The following CDH23 variants were observed in gnomAD, a reference collection of about 807,000 sequenced individuals.
The protein encoded by CDH23 is cadherin-23.
CDH23 carries 189 observed loss-of-function variants against 317.1 expected under a neutral mutation model. The ratio of observed to expected loss-of-function variants is 0.60; its 90% CI spans 0.53 to 0.67. The LOEUF (loss-of-function observed/expected upper bound fraction) is 0.67, where lower values mean the gene tolerates loss of function less well. Ranked by LOEUF, CDH23 falls within the 30% of genes least tolerant of loss-of-function variation. CDH23 has a pLI of 0.00. For missense variants in CDH23, 4,401 were observed against 4,592.4 expected (o/e 0.96, Z 1.20); for synonymous variants, 1,839 against 1,876.8 (o/e 0.98, Z 0.52).
intron 55 of CDH23, among the ~76,000 whole-genome samples, chr10:71,804,981 A>G (rs1841667532): frequency 6.6e-6 from 1 of 152,206 alleles, no homozygotes; most frequent in African/African-American, 2.4e-5. Context: ...CTGAACAATC[A>G]GCATGTATTA....
chr10:71,530,804 T>G (rs914444393), intron 6 of CDH23, among the ~76,000 whole-genome samples: 10 of 152,216 alleles, frequency 6.6e-5, no homozygotes, highest in Non-Finnish European at 1.5e-4. Flanking sequence ...CCAGAAACTG[T>G]GCTCAGCACT....
intron 6 of CDH23, among the ~76,000 whole-genome samples, chr10:71,554,404 C>T (rs1856770738): frequency 1.3e-5 from 2 of 151,692 alleles, no homozygotes; most frequent in Admixed American, 1.3e-4. Context: ...CACTATGTTG[C>T]CCAGGCTGGT....
intron 38 of CDH23, among the ~76,000 whole-genome samples, chr10:71,754,032 G>C (rs1236316830): frequency 6.6e-6 from 1 of 152,220 alleles, no homozygotes. Context: ...CCAGCAAACT[G>C]CCGTCCTCAA....
chr10:71,566,324 C>T (rs141433580), intron 6 of CDH23, among the ~76,000 whole-genome samples: 1 of 152,270 alleles, frequency 6.6e-6, no homozygotes, highest in Non-Finnish European at 1.5e-5. Context: ...CCGTAAAGAG[C>T]ACCCCTGTGT....
chr10:71,773,038 CCTT>C (rs896332803), intron 38 of CDH23, among the ~76,000 whole-genome samples: 7 of 152,238 alleles, frequency 4.6e-5, no homozygotes, highest in South Asian at 2.1e-4. Flanking sequence ...CTGTGCCTCT[CCTT>C]CTTTGCAGAA....
At chr10:71,546,798 TG>T (rs1371608710) in intron 6 of CDH23, among the ~76,000 whole-genome samples, 1 of 152,182 alleles carries the variant, frequency 6.6e-6, no homozygotes, top group East Asian at 1.9e-4. Context: ...GACATGAAGA[TG>T]GGCACTCTGC....
chr10:71,424,581 G>A (rs892898541), intron 1 of CDH23, among the ~76,000 whole-genome samples: 4 of 152,232 alleles, frequency 2.6e-5, no homozygotes, highest in African/African-American at 4.8e-5. Flanking sequence ...GTGCCTGGCA[G>A]CTGGCTGGTG....
intron 14 of CDH23, among the ~76,000 whole-genome samples, chr10:71,659,633 A>G (rs1564715397): frequency 6.6e-6 from 1 of 152,232 alleles, no homozygotes; most frequent in East Asian, 1.9e-4. Context: ...CCAGCAAAGC[A>G]GTACTTCCTG....
intron 14 of CDH23, among the ~76,000 whole-genome samples, chr10:71,661,851 TCCCCTCCCACCCTGCAC>T: frequency 4.2e-5 from 1 of 23,886 alleles, no homozygotes; most frequent in Non-Finnish European, 8.9e-5. Context: ...ACCCTGCACG[TCCCCTCCCACCCTGCAC>T]GTCCCCTCCC....
intron 53 of CDH23, among the ~76,000 whole-genome samples, chr10:71,801,958 T>A (rs114242013): frequency 6.6e-6 from 1 of 152,108 alleles, no homozygotes; most frequent in South Asian, 2.1e-4. Flanking sequence ...AGATGTGCAA[T>A]TGGGGACATG....
At chr10:71,475,053 T>G (rs997669595) in intron 3 of CDH23, among the ~76,000 whole-genome samples, 3 of 152,200 alleles carry the variant, frequency 2.0e-5, no homozygotes, top group Admixed American at 6.5e-5. Flanking sequence ...AAGACGGGAA[T>G]GGTGACTATT....
rs1328514310 is a variant in CDH23, at chr10:71,682,547, C to A, written c.1961C>A (p.Thr654Asn). 1 of 1,613,620 alleles carries A rather than the reference C, an allele frequency of 6.2e-7. No individual in the cohort carries two copies. ...GCTGGCAACCCCCCTCTCAACAGCA[C>A]CGTCCCTGTCACCATCGAGGTGTTT... ...MDAGNPPLNS[T>N]VPVTIEVFDE... Residue 654 changes from threonine to asparagine, a missense_variant, in exon 18 of 70, where the codon ACC becomes AAC. Transcript: ENST00000224721.
intron 26 of CDH23, among the ~76,000 whole-genome samples, chr10:71,708,000 A>G (rs1435621275): frequency 6.6e-6 from 1 of 151,256 alleles, no homozygotes; most frequent in Admixed American, 6.6e-5. Flanking sequence ...CCTCAGGCCC[A>G]CTCCTTACAG....
At chr10:71,527,242 A>G (rs1319891253) in intron 6 of CDH23, among the ~76,000 whole-genome samples, 1 of 152,230 alleles carries the variant, frequency 6.6e-6, no homozygotes, top group African/African-American at 2.4e-5. Flanking sequence ...GCGTGCACAC[A>G]CCTCAGTTGC....
At chr10:71,569,285 G>C (rs1184613890) in intron 7 of CDH23, among the ~76,000 whole-genome samples, 1 of 152,162 alleles carries the variant, frequency 6.6e-6, no homozygotes, top group Non-Finnish European at 1.5e-5. Flanking sequence ...AAGACAACCA[G>C]CCCTCCCTTC....
rs369768078 is a variant in CDH23, at chr10:71,799,914, A to G, written c.7362+285A>G. Among the ~76,000 whole-genome samples the G allele has an allele frequency of 1.1e-4, 17 of 152,238 alleles. No individual in the cohort carries two copies. In the East Asian group the frequency reaches 1.9e-3, roughly 17 times the overall value. Reference sequence around the variant, plus strand: ...AGATGTGTCCTCTCCACACTAAAAAAGCATGATTGAAGTCCATGGGGCTTC... The same window carrying G: ...AGATGTGTCCTCTCCACACTAAAAAGGCATGATTGAAGTCCATGGGGCTTC... On this transcript the variant is annotated intron_variant, in intron 52 of 69. Coordinates refer to ENST00000224721, the MANE Select transcript of CDH23 (RefSeq NM_022124.6).
chr10:71,437,049 T>C (rs1849654249), intron 1 of CDH23, among the ~76,000 whole-genome samples: 1 of 152,220 alleles, frequency 6.6e-6, no homozygotes, highest in African/African-American at 2.4e-5. Context: ...CGCTAGTAGT[T>C]AGGGAAATGC....
chr10:71,572,691 T>G (rs1192430404), intron 8 of CDH23, among the ~76,000 whole-genome samples: 2 of 152,218 alleles, frequency 1.3e-5, no homozygotes, highest in Non-Finnish European at 1.5e-5. Context: ...TTTCCCTGGC[T>G]TCTTCCCTAT....
intron 20 of CDH23, among the ~76,000 whole-genome samples, chr10:71,691,638 T>G (rs891609961): frequency 6.6e-6 from 1 of 152,166 alleles, no homozygotes; most frequent in Non-Finnish European, 1.5e-5. Context: ...CCAAGGTCAC[T>G]GCAGAAGGGA....
Sources: allele counts gnomAD v4.1 joint callset (sites outside exome capture counted in the v4.1 genomes callset), GRCh38; gene constraint gnomAD v4.1.1; transcripts MANE v1.5; gene names NCBI Gene and HGNC (gene_info 2026-07-23, HGNC 2026-07-21).